Variants in TRMO observed in about 807,000 individuals in gnomAD.
TRMO encodes tRNA methyltransferase O.
Under a neutral mutation model 37.2 loss-of-function variants are expected in TRMO, and 30 were observed. The ratio of observed to expected loss-of-function variants is 0.81; its 90% CI spans 0.60 to 1.09. The LOEUF (loss-of-function observed/expected upper bound fraction) is 1.09, where lower values mean the gene tolerates loss of function less well. Among genes scored for constraint, TRMO ranks in the 50% least tolerant of loss-of-function variants. The pLI is 0.00. For synonymous variants in TRMO, 239 were observed against 199.4 expected (o/e 1.20, Z -1.67); for missense variants, 552 against 549.5 (o/e 1.00, Z -0.05).
At chr9:97,900,738 G>T (rs948423024), downstream of TRMO, 5 of 977,878 alleles carry the variant, frequency 5.1e-6, no homozygotes, top group Non-Finnish European at 6.1e-6. Flanking sequence ...AGTGATGCAG[G>T]CTTTCATTTT....
At chr9:97,907,859 C>T (rs1168489746) in intron 4 of TRMO, among the ~76,000 whole-genome samples, 1 of 152,174 alleles carries the variant, frequency 6.6e-6, no homozygotes, top group African/African-American at 2.4e-5. Flanking sequence ...CTCCACTTTG[C>T]GGCTGTGCAC....
chr9:97,904,217 A>G (rs1825760880), downstream of TRMO, among the ~76,000 whole-genome samples: 1 of 151,938 alleles, frequency 6.6e-6, no homozygotes, highest in Non-Finnish European at 1.5e-5. Flanking sequence ...ATATATACAT[A>G]TATATATGTG....
intron 4 of TRMO, among the ~76,000 whole-genome samples, chr9:97,907,902 T>G (rs1825923633): frequency 6.6e-6 from 1 of 152,154 alleles, no homozygotes; most frequent in South Asian, 2.1e-4. Flanking sequence ...GTCCTTTCTC[T>G]GGACAGGCTG....
At chr9:97,899,283 C>T in the TRMO span, among the ~76,000 whole-genome samples, 3 of 152,084 alleles carry the variant, frequency 2.0e-5, no homozygotes, top group East Asian at 1.9e-4. Flanking sequence ...CGGTACTGCA[C>T]GTGTAACCCC....
chr9:97,900,433 G>A (rs984488333), downstream of TRMO, among the ~76,000 whole-genome samples: 1 of 152,200 alleles, frequency 6.6e-6, no homozygotes, highest in African/African-American at 2.4e-5. Context: ...AGATCCTGTG[G>A]GAATGGGCGT....
intron 1 of TRMO, among the ~76,000 whole-genome samples, chr9:97,916,834 T>C (rs966908955): frequency 2.0e-5 from 3 of 150,732 alleles, no homozygotes; most frequent in African/African-American, 7.4e-5. Flanking sequence ...GCCTCCCCAG[T>C]AGCTGGGATT....
rs777693173 is a variant in TRMO, at chr9:97,904,547, T to C, written c.*186A>G. 4 of 1,409,758 alleles carry C rather than the reference T, an allele frequency of 2.8e-6. No homozygotes were observed. The highest frequency in any genetic ancestry group is 3.7e-6 in the Non-Finnish European group (4 of 1,085,700). The allele number at this position is 1,409,758 out of a possible 1,614,324, so 87.3% of individuals were successfully genotyped here. ...AAAGCATTTGGTGATTTCTCTGTAT[T>C]TTATATCTCTTTGTTAAGTTTATTA... is the stretch of plus-strand genomic sequence containing the variant. On this transcript the variant is annotated 3_prime_UTR_variant, in exon 5 of 5. Transcript: ENST00000375119.
intron 4 of TRMO, among the ~76,000 whole-genome samples, chr9:97,907,990 T>C (rs1561957): frequency 0.72 from 110,106 of 152,052 alleles, 41,234 homozygotes; most frequent in East Asian, 0.92. Flanking sequence ...CTATTTAAAA[T>C]TGCAACAGGC....
In TRMO at chr9:97,913,519, AC is replaced by A. The variant is rs1276996405; in HGVS notation, c.290del (p.Cys97LeufsTer10). ...GCCTAGGAGGCTGCACTTTTGCCTT[AC>A]AGCTCAAATGACCATTTTTGTGAAA... ...FVFHKNGHLS[C>X]KAKVQPPRLN... On this transcript the variant is annotated frameshift_variant, in exon 3 of 5. Transcript: ENST00000375119. LOFTEE classifies it high-confidence loss of function. The A allele has an allele frequency of 6.2e-7, 1 of 1,613,704 alleles. No homozygotes were observed. The highest frequency in any genetic ancestry group is 2.2e-5 in the East Asian group (1 of 44,874).
intron 1 of TRMO, among the ~76,000 whole-genome samples, chr9:97,920,556 G>A (rs1826577966): frequency 6.6e-6 from 1 of 152,186 alleles, no homozygotes; most frequent in Non-Finnish European, 1.5e-5. Flanking sequence ...TAAAATAGAA[G>A]GTGCCCAGCA....
intron 4 of TRMO, among the ~76,000 whole-genome samples, chr9:97,908,311 C>T (rs912291385): frequency 3.4e-5 from 5 of 149,014 alleles, no homozygotes; most frequent in East Asian, 2.0e-4. Flanking sequence ...ACTCGGGAGG[C>T]GGAGGCAGGT....
chr9:97,915,306 T>G (rs532621781), intron 2 of TRMO, among the ~76,000 whole-genome samples: 2 of 152,362 alleles, frequency 1.3e-5, no homozygotes, highest in Middle Eastern at 3.4e-3. Context: ...GAGCAGGATC[T>G]GCAAACTTTT....
At chr9:97,916,444 T>C in intron 1 of TRMO, 106 bp from the exon 2 acceptor site, 1 of 757,806 alleles carries the variant, frequency 1.3e-6, no homozygotes, top group Non-Finnish European at 2.1e-6. Flanking sequence ...AAAATCTTAG[T>C]GTCGTGCAAC....
At position 97,909,993 on chromosome 9, in the gene TRMO, C is replaced by A; in HGVS notation, c.1033G>T (p.Ala345Ser). The change falls in exon 4 of 5, where the codon GCC becomes TCC. Residue 345 changes from alanine (A) to serine (S), a missense_variant. Ala to Ser is a moderately conservative substitution (Grantham distance 99, BLOSUM62 1). Transcript: ENST00000375119. ...CTGAGCTGCCCAAGGTCCATCTCGG[C>A]ATGAGGAGTAAACCGCACTTCTAAA... ...ATLEVRFTPH[A>S]EMDLGQLSSQ... is the part of the protein sequence containing the mutation. The A allele has an allele frequency of 6.4e-7, 1 of 1,567,800 alleles. No homozygotes were observed. Among genetic ancestry groups the A allele is most frequent in the South Asian group, 1.2e-5 (1 of 84,422 alleles).
intron 1 of TRMO, among the ~76,000 whole-genome samples, chr9:97,916,775 G>A (rs564547994): frequency 2.0e-4 from 29 of 143,570 alleles, no homozygotes; most frequent in African/African-American, 4.1e-4. Flanking sequence ...GCCCGATCTC[G>A]GCTCACTGCA....
At chr9:97,917,934 G>T (rs942111043) in intron 1 of TRMO, among the ~76,000 whole-genome samples, 2 of 148,128 alleles carry the variant, frequency 1.4e-5, no homozygotes, top group Non-Finnish European at 3.0e-5. Flanking sequence ...TGCCCATCTC[G>T]GCCTCTCAAA....
intron 1 of TRMO, among the ~76,000 whole-genome samples, chr9:97,920,498 C>A (rs1210927820): frequency 6.6e-6 from 1 of 152,178 alleles, no homozygotes; most frequent in Non-Finnish European, 1.5e-5. Flanking sequence ...GGGATACTAC[C>A]TACTTTGGAA....
chr9:97,918,548 T>C (rs1826476587), intron 1 of TRMO, among the ~76,000 whole-genome samples: 1 of 152,208 alleles, frequency 6.6e-6, no homozygotes, highest in African/African-American at 2.4e-5. Context: ...GCGTTATCAA[T>C]TTCTGAGAGA....
intron 1 of TRMO, among the ~76,000 whole-genome samples, chr9:97,917,330 A>G (rs952103546): frequency 2.0e-5 from 3 of 152,230 alleles, no homozygotes; most frequent in Non-Finnish European, 4.4e-5. Context: ...TAGTGCTAAA[A>G]TATCTAGAGG....
Sources: allele counts gnomAD v4.1 joint callset (sites outside exome capture counted in the v4.1 genomes callset), GRCh38; gene constraint gnomAD v4.1.1; transcripts MANE v1.5; gene names NCBI Gene and HGNC (gene_info 2026-07-23, HGNC 2026-07-21).